TRMT1L: variants seen among roughly 807,000 people sequenced by gnomAD.
The protein encoded by TRMT1L is tRNA (guanine(27)-N(2))-dimethyltransferase.
A neutral mutation model predicts 81.6 loss-of-function variants in TRMT1L; 28 were observed. The ratio of observed to expected loss-of-function variants is 0.34; its 90% CI spans 0.25 to 0.47. The LOEUF (loss-of-function observed/expected upper bound fraction) is 0.47, where lower values mean the gene tolerates loss of function less well. Among genes scored for constraint, TRMT1L ranks in the 20% least tolerant of loss-of-function variants. The probability of loss-of-function intolerance (pLI) is 1.00; values close to 1 mark genes in which losing one functional copy is unlikely to be tolerated. For missense variants in TRMT1L, 739 were observed against 877.1 expected, an observed-to-expected ratio of 0.84 and a Z score of 1.99; for synonymous variants, 301 against 303.2, an observed-to-expected ratio of 0.99 and a Z score of 0.07.
At chr1:185,128,889 T>C (rs1571344517) in intron 10 of TRMT1L, 142 bp from the exon 11 acceptor site, 2 of 682,708 alleles carry the variant, frequency 2.9e-6, no homozygotes, top group Admixed American at 3.1e-5. Context: ...ATTTTATGTA[T>C]GTATATATGT....
intron 7 of TRMT1L, among the ~76,000 whole-genome samples, chr1:185,142,583 C>T (rs1161015937): frequency 6.7e-6 from 1 of 150,198 alleles, no homozygotes; most frequent in African/African-American, 2.5e-5. Flanking sequence ...CAATGATCAT[C>T]ACAACACAAA....
intron 10 of TRMT1L, among the ~76,000 whole-genome samples, chr1:185,131,143 G>A (rs899298797): frequency 6.6e-6 from 1 of 151,904 alleles, no homozygotes; most frequent in Non-Finnish European, 1.5e-5. Flanking sequence ...GGGACTATTG[G>A]TGCCCGCCAC....
chr1:185,135,315 C>A (rs1210245994), intron 10 of TRMT1L, among the ~76,000 whole-genome samples: 2 of 151,124 alleles, frequency 1.3e-5, no homozygotes, highest in Non-Finnish European at 2.9e-5. Context: ...ACTTGGGAGG[C>A]TGAGGCAGGA....
intron 11 of TRMT1L, among the ~76,000 whole-genome samples, chr1:185,125,545 T>TA (rs1450149044): frequency 6.6e-6 from 1 of 152,144 alleles, no homozygotes; most frequent in Non-Finnish European, 1.5e-5. Context: ...CAAGGAAACT[T>TA]AATTAAGTCA....
intron 9 of TRMT1L, 88 bp downstream of exon 9, chr1:185,139,279 A>G: frequency 9.4e-7 from 1 of 1,066,054 alleles, no homozygotes; most frequent in Non-Finnish European, 1.3e-6. Flanking sequence ...TTTTGTGCAT[A>G]TTTTGAATAA....
In TRMT1L at chr1:185,118,270, A is replaced by G. The variant is rs1652411103; in HGVS notation, c.*1749T>C. The stretch of plus-strand genomic sequence containing the variant: ...TTTGGTTGATGTAGTACCTGATCAG[A>G]GTTCTAAACTACCGCCTACCAAATT... On this transcript the variant is annotated 3_prime_UTR_variant, in exon 15 of 15. Coordinates refer to ENST00000367506, the MANE Select transcript of TRMT1L (RefSeq NM_030934.5). 1 of 152,198 alleles carries G rather than the reference A, an allele frequency of 6.6e-6. No individual in the cohort carries two copies. The highest frequency in any genetic ancestry group is 2.1e-4 in the South Asian group (1 of 4,834). The allele number at this position is 152,198 out of a possible 1,614,324, so 9.4% of individuals were successfully genotyped here.
chr1:185,156,607 C>A lies in TRMT1L; in HGVS notation c.106G>T (p.Ala36Ser). Residue 36 changes from alanine to serine, a missense_variant, in exon 1 of 15, where the codon GCT (alanine) becomes TCT (serine). By Grantham distance (99) the Ala-to-Ser change is moderately conservative. Around this residue, in one of 4 missense-constraint regions of TRMT1L, gnomAD observed 209 missense variants for 165.4 expected, o/e 1.26. Coordinates refer to ENST00000367506, the MANE Select transcript of TRMT1L (RefSeq NM_030934.5). Reference protein sequence around the residue: ...TPARDSAGVPAPAPDSALDSA... With the variant: ...TPARDSAGVPSPAPDSALDSA... ...TCCAGAGCCGAATCCGGGGCCGGAG[C>A]TGGGACCCCAGCCGAGTCCCGGGCC... is the stretch of plus-strand genomic sequence containing the variant. The A allele has an allele frequency of 6.3e-7, 1 of 1,599,242 alleles. No individual in the cohort carries two copies. The highest frequency in any genetic ancestry group is 8.5e-7 in the Non-Finnish European group (1 of 1,173,054).
At chr1:185,123,808 C>T in intron 13 of TRMT1L, 49 bp downstream of exon 13, 2 of 1,150,088 alleles carry the variant, frequency 1.7e-6, no homozygotes, top group African/African-American at 1.6e-5. Context: ...TTGCTATATG[C>T]CTTTTTGACC....
intron 7 of TRMT1L, among the ~76,000 whole-genome samples, chr1:185,140,663 T>C (rs1007224655): frequency 2.6e-5 from 4 of 151,556 alleles, no homozygotes; most frequent in Admixed American, 1.3e-4. Flanking sequence ...CACTGCACAA[T>C]AGCATTGTTG....
In TRMT1L at chr1:185,127,707, C is replaced by T. The variant is rs189681131; in HGVS notation, c.1592+962G>A. Among the ~76,000 whole-genome samples, 538 of 138,050 alleles carry T rather than the reference C, an allele frequency of 3.9e-3. 1 individual carries two copies. Among genetic ancestry groups the T allele is most frequent in the Middle Eastern group, 8.1e-3 (2 of 246 alleles). 90.6% of individuals were successfully genotyped at this position (138,050 alleles called of 152,430 possible). On this transcript the variant is annotated intron_variant, in intron 11 of 14. Coordinates refer to ENST00000367506, the MANE Select transcript of TRMT1L (RefSeq NM_030934.5). ...CTGGGAGGCAGAGGTTGTGGTGAGC[C>T]GAGATAGTGCCATTGCACTCCAGGT...
chr1:185,148,396 A>G (rs1317067839), intron 3 of TRMT1L, among the ~76,000 whole-genome samples: 1 of 152,118 alleles, frequency 6.6e-6, no homozygotes, highest in Non-Finnish European at 1.5e-5. Context: ...TCAAGTCCCA[A>G]ACCCAAGCAT....
chr1:185,140,074 CTT>C lies in TRMT1L; in HGVS notation c.1006_1007del (p.Lys336GlufsTer2). On this transcript the variant is annotated frameshift_variant, in exon 8 of 15. Coordinates refer to ENST00000367506, the MANE Select transcript of TRMT1L (RefSeq NM_030934.5). LOFTEE classifies it high-confidence loss of function. ...CTCCTTCTTCAAGAATATCATCACTCTTTTCCTTTTCCTTACTGTCCACCACC... is the reference window on the plus strand; with the variant it reads ...CTCCTTCTTCAAGAATATCATCACTCTTCCTTTTCCTTACTGTCCACCACC... ...KVVVDSKEKEKSDDILEEGEK... is the reference protein window; with the variant it reads ...KVVVDSKEKEXSDDILEEGEK... The C allele has an allele frequency of 1.2e-6, 2 of 1,613,768 alleles. No individual in the cohort carries two copies. The highest frequency in any genetic ancestry group is 1.7e-6 in the Non-Finnish European group (2 of 1,179,850).
chr1:185,151,842 G>A lies in TRMT1L; in HGVS notation c.329C>T (p.Ser110Leu). Residue 110 changes from serine to leucine, a missense_variant, in exon 2 of 15, where the codon TCA becomes TTA. By Grantham distance (145) the Ser-to-Leu change is moderately radical. Coordinates refer to ENST00000367506, the MANE Select transcript of TRMT1L (RefSeq NM_030934.5). Reference sequence around the variant, plus strand: ...GGAAATACCTGCATCAAGATTATCTGAGTTCAATGAGCTGGCAGAGTCAAA... The same window carrying A: ...GGAAATACCTGCATCAAGATTATCTAAGTTCAATGAGCTGGCAGAGTCAAA... The part of the protein sequence containing the change: ...GNFDSASSLN[S>L]DNLDAGNRQA... The A allele has an allele frequency of 3.8e-6, 6 of 1,581,764 alleles. No homozygotes were observed. The highest frequency in any genetic ancestry group is 5.1e-6 in the Non-Finnish European group (6 of 1,167,958).
chr1:185,143,290 T>G (rs1484674634), intron 7 of TRMT1L, 67 bp downstream of exon 7: 1 of 1,419,302 alleles, frequency 7.0e-7, no homozygotes, highest in Non-Finnish European at 9.6e-7. Flanking sequence ...CCATATATAT[T>G]TTCTAAGAAA....
chr1:185,156,802 G>A lies in TRMT1L; in HGVS notation c.-90C>T, dbSNP rs1467842579. ...ACTGACGTGAATGCCCACAGGGCTG[G>A]ATCCAAGGAGTGGGGAAGCAAGTGG... On this transcript the variant is annotated 5_prime_UTR_variant, in exon 1 of 15. Coordinates refer to ENST00000367506, the MANE Select transcript of TRMT1L (RefSeq NM_030934.5). 1.7e-5 allele frequency: 26 copies of A among 1,536,018 alleles called. No individual in the cohort carries two copies. Among genetic ancestry groups the A allele is most frequent in the Non-Finnish European group, 2.3e-5 (26 of 1,140,308 alleles).
chr1:185,143,700 T>C (rs1435408031), intron 6 of TRMT1L, among the ~76,000 whole-genome samples: 1 of 152,146 alleles, frequency 6.6e-6, no homozygotes, highest in Non-Finnish European at 1.5e-5. Context: ...TCAGTAATTA[T>C]ATAAAGTTAC....
At chr1:185,128,606 T>C (rs1469409745) in intron 11 of TRMT1L, 63 bp downstream of exon 11, 1 of 1,457,454 alleles carries the variant, frequency 6.9e-7, no homozygotes, top group African/African-American at 1.4e-5. Flanking sequence ...ATAATAAAAA[T>C]CAGCAATTAA....
At position 185,150,452 on chromosome 1, in the gene TRMT1L, G is replaced by A; in HGVS notation, c.387C>T (p.Phe129=). ...QACPLCPKEK[F]RACNSHKLRR... ...GAAGCTTATGGCTATTACAAGCTCT[G>A]AATTTTTCCTTAGGGCACAATGGAC... Residue 129 remains phenylalanine, a synonymous_variant, in exon 3 of 15, where the codon TTC becomes TTT. Transcript: ENST00000367506. 2 of 1,613,612 alleles carry A rather than the reference G, an allele frequency of 1.2e-6. No individual in the cohort carries two copies. Among genetic ancestry groups the A allele is most frequent in the Non-Finnish European group, 1.7e-6 (2 of 1,179,846 alleles).
At chr1:185,151,297 C>CA in intron 2 of TRMT1L, among the ~76,000 whole-genome samples, 1 of 152,170 alleles carries the variant, frequency 6.6e-6, no homozygotes, top group East Asian at 1.9e-4. Context: ...TTTAACCCAA[C>CA]AAATATCTTT....
Sources: allele counts gnomAD v4.1 joint callset (sites outside exome capture counted in the v4.1 genomes callset), GRCh38; gene constraint gnomAD v4.1.1; regional missense constraint gnomAD v4.1.1; transcripts MANE v1.5; gene names NCBI Gene and HGNC (gene_info 2026-07-23, HGNC 2026-07-21).